Variants in ANKDD1A observed in about 807,000 individuals in gnomAD.
The protein encoded by ANKDD1A is ankyrin repeat and death domain containing 1A, also known as ankyrin repeat and death domain-containing protein 1A.
Under a neutral mutation model 63.5 loss-of-function variants are expected in ANKDD1A, and 59 were observed. The observed-to-expected ratio is 0.93, with a 90% CI of 0.75 to 1.15. The LOEUF (loss-of-function observed/expected upper bound fraction) is 1.15, where lower values mean the gene tolerates loss of function less well. ANKDD1A is among the 50% of genes most tolerant of loss of function. ANKDD1A has a pLI of 0.00. For missense variants in ANKDD1A, 632 were observed against 656.4 expected (o/e 0.96, Z 0.41); for synonymous variants, 266 against 263.9 (o/e 1.01, Z -0.08).
chr15:64,917,369 C>T lies in ANKDD1A; in HGVS notation c.139-17C>T. 2 of 1,593,018 alleles carry T rather than the reference C, an allele frequency of 1.3e-6. No homozygotes were observed. The highest frequency in any genetic ancestry group is 1.7e-6 in the Non-Finnish European group (2 of 1,167,744). On this transcript the variant is annotated splice_polypyrimidine_tract_variant and intron_variant, in intron 2 of 14. Coordinates refer to ENST00000319580, the MANE Select transcript of ANKDD1A (RefSeq NM_182703.6). ...GGTGGCAGCAGCACCTGACAAGTGT[C>T]ATCTCCCTCCGGGCAGGTGGGCAGG...
At chr15:64,912,110 C>T (rs2084935791) in intron 1 of ANKDD1A, 146 bp downstream of exon 1, 3 of 821,664 alleles carry the variant, frequency 3.7e-6, no homozygotes, top group South Asian at 1.2e-4. Flanking sequence ...GGAATGGTTA[C>T]CGGTCCGCGC....
intron 12 of ANKDD1A, 31 bp downstream of exon 12, chr15:64,944,778 A>C (rs1365802599): frequency 1.2e-5 from 19 of 1,602,386 alleles, no homozygotes; most frequent in Non-Finnish European, 1.6e-5. Context: ...ATCTTTCCTC[A>C]TTGGAAAGGG....
chr15:64,950,828 C>T, intron 14 of ANKDD1A: 1 of 1,059,752 alleles, frequency 9.4e-7, no homozygotes, highest in South Asian at 2.3e-5. Flanking sequence ...TTTCTTTCCC[C>T]AAAATGTTCT....
chr15:64,916,304 C>T (rs1015701138), intron 2 of ANKDD1A, among the ~76,000 whole-genome samples: 2 of 151,180 alleles, frequency 1.3e-5, no homozygotes, highest in South Asian at 2.1e-4. Context: ...GTCGTAAGAG[C>T]GTGTGCAGGA....
Position 64,946,796 on chromosome 15 carries a change from C to A in ANKDD1A, c.1162-608C>A, listed in dbSNP as rs993711824. Among the ~76,000 whole-genome samples, 18 of 152,202 alleles carry A rather than the reference C, an allele frequency of 1.2e-4. 1 individual carries two copies. Among genetic ancestry groups the A allele is most frequent in the Non-Finnish European group, 1.6e-4 (11 of 68,030 alleles). On this transcript the variant is annotated intron_variant, in intron 12 of 14. Transcript: ENST00000319580. ...GTTGACCATGACATAAGCTTTGGAA[C>A]TGCAGACACCAGGATGATTTTTTTC... is the stretch of plus-strand genomic sequence containing the variant.
Position 64,947,688 on chromosome 15 carries a change from C to A in ANKDD1A, c.1351+95C>A, listed in dbSNP as rs866298877. The A allele has an allele frequency of 7.1e-5, 102 of 1,428,928 alleles. 1 individual carries two copies. In the African/African-American group the frequency reaches 1.0e-3, roughly 14 times the overall value. 88.5% of individuals were successfully genotyped at this position (1,428,928 alleles called of 1,614,324 possible). A position where few individuals can be genotyped will look rare whatever the true frequency, so the allele number is the denominator to read the frequency against. On this transcript the variant is annotated intron_variant, in intron 13 of 14. Coordinates refer to ENST00000319580, the MANE Select transcript of ANKDD1A (RefSeq NM_182703.6). ...GTTTTCTGTGCTTCTGGTGAAAGGGCCTGTGCAACCCACAGCCTGGTCCCA... is the reference window on the plus strand; with the variant it reads ...GTTTTCTGTGCTTCTGGTGAAAGGGACTGTGCAACCCACAGCCTGGTCCCA...
At position 64,943,600 on chromosome 15, in the gene ANKDD1A, CCA is replaced by C; in HGVS notation, c.1065+20_1065+21del. 3.7e-6 allele frequency: 6 copies of C among 1,611,602 alleles called. No individual in the cohort carries two copies. The highest frequency in any genetic ancestry group is 5.1e-6 in the Non-Finnish European group (6 of 1,177,726). ...GAGATAAGGTACCTCTGCTTACAAC[CCA>C]CCTCGCTTCAGGCTTTCATGGCTCC... is the stretch of plus-strand genomic sequence containing the variant. On this transcript the variant is annotated intron_variant, in intron 11 of 14. Coordinates refer to ENST00000319580, the MANE Select transcript of ANKDD1A (RefSeq NM_182703.6).
At chr15:64,955,858 C>A (rs941475358) in intron 14 of ANKDD1A, among the ~76,000 whole-genome samples, 1 of 152,108 alleles carries the variant, frequency 6.6e-6, no homozygotes, top group Non-Finnish European at 1.5e-5. Flanking sequence ...ATCCATTGGT[C>A]CAGCAATCCT....
chr15:64,953,597 TTTC>T (rs548112914), intron 14 of ANKDD1A, among the ~76,000 whole-genome samples: 1 of 56,108 alleles, frequency 1.8e-5, no homozygotes, highest in African/African-American at 5.6e-5. Context: ...TCCTTCTCCT[TTTC>T]TTCTTTCTTC....
rs763106326 is a variant in ANKDD1A at position 64,957,150 on chromosome 15, C to T, written c.1531C>T (p.Arg511Trp). 32 of 432,564 alleles carry T rather than the reference C, an allele frequency of 7.4e-5. No homozygotes were observed. The highest frequency in any genetic ancestry group is 6.9e-5 in the Non-Finnish European group (15 of 217,544). 26.8% of individuals were successfully genotyped at this position (432,564 alleles called of 1,614,324 possible). Residue 511 changes from arginine (R) to tryptophan (W), a missense_variant, in exon 15 of 15, where the codon CGG becomes TGG. Transcript: ENST00000319580. ...TCAGCTCACGGCAACCTCCGCCTCC[C>T]GGGTTCAAATGATTCTTGTGCCTCA... Reference protein sequence around the residue: ...RSQLTATSASRVQMILVPQPP... With the variant: ...RSQLTATSASWVQMILVPQPP...
chr15:64,915,772 C>T, intron 1 of ANKDD1A, 25 bp from the exon 2 acceptor site: 1 of 1,605,024 alleles, frequency 6.2e-7, no homozygotes. Flanking sequence ...TCCCCCTCAT[C>T]CTGCACCCCA....
intron 9 of ANKDD1A, among the ~76,000 whole-genome samples, chr15:64,935,915 C>T (rs565087681): frequency 2.2e-4 from 34 of 152,064 alleles, no homozygotes; most frequent in African/African-American, 8.2e-4. Flanking sequence ...CAATAACTAT[C>T]AAGCTGAATT....
At chr15:64,952,122 CT>C (rs2085299140) in intron 14 of ANKDD1A, among the ~76,000 whole-genome samples, 2 of 3,556 alleles carry the variant, frequency 5.6e-4, no homozygotes, top group African/African-American at 7.7e-4. Flanking sequence ...CTTCTTTCTT[CT>C]CTTTCTTCTT....
At chr15:64,951,958 TCTG>T (rs1380884894) in intron 14 of ANKDD1A, among the ~76,000 whole-genome samples, 1 of 149,960 alleles carries the variant, frequency 6.7e-6, no homozygotes, top group Admixed American at 6.6e-5. Context: ...CTTCTTTCCT[TCTG>T]CTCTTCTTTC....
rs1171949715 is a variant in ANKDD1A, at chr15:64,942,573, G to C, written c.966+8G>C. ...GTGAATGCCGTGGACAATGTAAGTG[G>C]CTACAGAGACCTTCCGGGCCCCAGG... On this transcript the variant is annotated splice_region_variant and intron_variant, in intron 10 of 14. Transcript: ENST00000319580. 1.9e-6 allele frequency: 3 copies of C among 1,610,062 alleles called. No individual in the cohort carries two copies. The Admixed American group carries it at 5.0e-5, about 27-fold the overall frequency.
intron 14 of ANKDD1A, among the ~76,000 whole-genome samples, chr15:64,954,376 T>TTC (rs2085383510): frequency 1.5e-5 from 2 of 137,822 alleles, no homozygotes; most frequent in Admixed American, 7.1e-5. Flanking sequence ...TCTTCTTCCT[T>TTC]TTCTTTTCTT....
At chr15:64,915,046 C>T (rs180942220) in intron 1 of ANKDD1A, among the ~76,000 whole-genome samples, 120 of 152,182 alleles carry the variant, frequency 7.9e-4, no homozygotes, top group African/African-American at 2.6e-3. Flanking sequence ...GGCTCACGCC[C>T]GTAATCCCAG....
chr15:64,932,951 G>GA (rs60950432), intron 8 of ANKDD1A, among the ~76,000 whole-genome samples: 121,664 of 140,962 alleles, frequency 0.86, 54,380 homozygotes, highest in East Asian at 0.98. Context: ...CCTGTCTCAA[G>GA]AAAAAAAAAA....
chr15:64,922,802 C>T (rs757128213), intron 4 of ANKDD1A, among the ~76,000 whole-genome samples: 17 of 152,188 alleles, frequency 1.1e-4, no homozygotes, highest in African/African-American at 3.1e-4. Context: ...CCACCACTCC[C>T]GGCTAATTAG....
Sources: allele counts gnomAD v4.1 joint callset (sites outside exome capture counted in the v4.1 genomes callset), GRCh38; gene constraint gnomAD v4.1.1; transcripts MANE v1.5; gene names NCBI Gene and HGNC (gene_info 2026-07-23, HGNC 2026-07-21).